Variants in CDKAL1 observed in about 807,000 individuals in gnomAD.
The protein encoded by CDKAL1 is CDKAL1 threonylcarbamoyladenosine tRNA methylthiotransferase.
A neutral mutation model predicts 68.2 loss-of-function variants in CDKAL1; 32 were observed. The observed-to-expected ratio is 0.47, with a 90% CI of 0.35 to 0.63. CDKAL1 has a LOEUF of 0.63. CDKAL1 is among the 30% of genes least tolerant of loss of function. CDKAL1 has a pLI of 0.00. For synonymous variants in CDKAL1, 234 were observed against 244.3 expected (o/e 0.96, Z 0.39); for missense variants, 606 against 696.7 (o/e 0.87, Z 1.47).
chr6:20,871,473 A>G (rs1340800215), intron 9 of CDKAL1, among the ~76,000 whole-genome samples: 2 of 152,208 alleles, frequency 1.3e-5, no homozygotes, highest in Non-Finnish European at 2.9e-5. Flanking sequence ...AAACGAAGTT[A>G]TGATTTTTTA....
At chr6:21,108,121 C>G (rs1024863473) in intron 12 of CDKAL1, among the ~76,000 whole-genome samples, 1 of 151,880 alleles carries the variant, frequency 6.6e-6, no homozygotes, top group Non-Finnish European at 1.5e-5. Context: ...TATGTATTTT[C>G]AAATACAGTT....
At chr6:20,698,554 T>G (rs1046616555) in intron 5 of CDKAL1, among the ~76,000 whole-genome samples, 1 of 152,188 alleles carries the variant, frequency 6.6e-6, no homozygotes, top group East Asian at 1.9e-4. Context: ...TTGGCAGTTT[T>G]GGGCTGGTCA....
At chr6:20,725,213 A>G (rs1219153188) in intron 5 of CDKAL1, among the ~76,000 whole-genome samples, 1 of 151,272 alleles carries the variant, frequency 6.6e-6, no homozygotes, top group Non-Finnish European at 1.5e-5. Flanking sequence ...GTATCAGGAT[A>G]TTGATCTTAG....
chr6:20,981,306 CCTTT>C (rs1766131926), intron 10 of CDKAL1, among the ~76,000 whole-genome samples: 1 of 152,022 alleles, frequency 6.6e-6, no homozygotes, highest in Admixed American at 6.6e-5. Context: ...ATTGAATTTC[CCTTT>C]CTTCATTTCA....
intron 4 of CDKAL1, among the ~76,000 whole-genome samples, chr6:20,549,493 T>A (rs907630749): frequency 3.3e-5 from 5 of 152,180 alleles, no homozygotes; most frequent in Non-Finnish European, 5.9e-5. Flanking sequence ...TTAATTTTAG[T>A]ATCTACTGGT....
At chr6:21,120,956 C>T (rs1039666293) in intron 13 of CDKAL1, among the ~76,000 whole-genome samples, 2 of 152,092 alleles carry the variant, frequency 1.3e-5, no homozygotes, top group African/African-American at 2.4e-5. Context: ...ATAACTGTCA[C>T]CTGTAGGATA....
intron 9 of CDKAL1, among the ~76,000 whole-genome samples, chr6:20,935,540 C>T (rs957114450): frequency 1.3e-5 from 2 of 151,580 alleles, no homozygotes; most frequent in African/African-American, 2.4e-5. Flanking sequence ...GAGATTCTTG[C>T]GCCTCAAGCC....
At chr6:20,946,659 G>A (rs1187162163) in intron 9 of CDKAL1, among the ~76,000 whole-genome samples, 1 of 147,412 alleles carries the variant, frequency 6.8e-6, no homozygotes, top group Non-Finnish European at 1.5e-5. Context: ...GTTCAATGAG[G>A]CAATCTCGGC....
At chr6:21,105,545 T>C (rs185050961) in intron 12 of CDKAL1, among the ~76,000 whole-genome samples, 4 of 152,314 alleles carry the variant, frequency 2.6e-5, no homozygotes, top group Admixed American at 2.6e-4. Context: ...ACAAGGTCCT[T>C]ATTAATATCA....
In CDKAL1 at chr6:21,203,691, C is replaced by CTTT. The variant is rs915087377; in HGVS notation, c.1548+2441_1548+2443dup. ...GGACTTATTTTGTCTCACTTGACCT[C>CTTT]TTTTTTTTTTTTTTTTTTTTTTTTT... On this transcript the variant is annotated intron_variant, in intron 15 of 15. Coordinates refer to ENST00000274695, the MANE Select transcript of CDKAL1 (RefSeq NM_017774.3). 3.2e-4 allele frequency among the ~76,000 whole-genome samples: 30 copies of CTTT among 94,100 alleles called. 1 individual carries two copies. The highest frequency in any genetic ancestry group is 1.1e-3 in the African/African-American group (24 of 21,642). 61.7% of individuals were successfully genotyped at this position (94,100 alleles called of 152,430 possible). A position where few individuals can be genotyped will look rare whatever the true frequency, so the allele number is the denominator to read the frequency against.
rs375282434 is a variant in CDKAL1, at chr6:21,137,827, A to T, written c.1299+29364A>T. 3.2e-4 allele frequency among the ~76,000 whole-genome samples: 48 copies of T among 152,294 alleles called. 1 individual carries two copies. In the South Asian group the frequency reaches 8.1e-3, roughly 26 times the overall value. ...ATAACTTATAAGCCATGGTGTCCATATTTTTCCCAGGAGTGGAAAGCCTTA... is the reference window on the plus strand; with the variant it reads ...ATAACTTATAAGCCATGGTGTCCATTTTTTTCCCAGGAGTGGAAAGCCTTA... On this transcript the variant is annotated intron_variant, in intron 13 of 15. Coordinates refer to ENST00000274695, the MANE Select transcript of CDKAL1 (RefSeq NM_017774.3).
At chr6:21,147,531 G>A (rs1776238980) in intron 13 of CDKAL1, among the ~76,000 whole-genome samples, 1 of 152,162 alleles carries the variant, frequency 6.6e-6, no homozygotes, top group African/African-American at 2.4e-5. Flanking sequence ...TAATTCACAA[G>A]AGCCTTGATA....
At chr6:21,093,073 A>G (rs935490729) in intron 12 of CDKAL1, among the ~76,000 whole-genome samples, 1 of 152,244 alleles carries the variant, frequency 6.6e-6, no homozygotes, top group African/African-American at 2.4e-5. Context: ...GAATAATTCA[A>G]GGACATTTTT....
chr6:20,939,293 A>G (rs1033471741), intron 9 of CDKAL1, among the ~76,000 whole-genome samples: 1 of 152,110 alleles, frequency 6.6e-6, no homozygotes, highest in Non-Finnish European at 1.5e-5. Context: ...TCCATTGGTC[A>G]CTGTTGGAGA....
chr6:20,584,202 G>A (rs926384499), intron 4 of CDKAL1, among the ~76,000 whole-genome samples: 2 of 151,912 alleles, frequency 1.3e-5, no homozygotes, highest in African/African-American at 4.8e-5. Flanking sequence ...GATTCTTAAG[G>A]CTTTTTGTAA....
chr6:20,671,463 C>T (rs1769810926), intron 5 of CDKAL1, among the ~76,000 whole-genome samples: 1 of 152,032 alleles, frequency 6.6e-6, no homozygotes, highest in South Asian at 2.1e-4. Flanking sequence ...TATTCTTTGC[C>T]ATTAAATTTA....
chr6:20,738,227 C>T (rs974043031), intron 5 of CDKAL1, among the ~76,000 whole-genome samples: 1 of 152,062 alleles, frequency 6.6e-6, no homozygotes, highest in Non-Finnish European at 1.5e-5. Context: ...ACTCCAATAC[C>T]CGTACACATG....
chr6:21,077,481 GAAA>G (rs766843524), intron 12 of CDKAL1, among the ~76,000 whole-genome samples: 11 of 152,116 alleles, frequency 7.2e-5, no homozygotes, highest in Non-Finnish European at 1.6e-4. Context: ...AGTTTATAAA[GAAA>G]AAAAGCTTAA....
intron 4 of CDKAL1, among the ~76,000 whole-genome samples, chr6:20,612,440 G>A (rs1766660125): frequency 6.6e-6 from 1 of 151,290 alleles, no homozygotes; most frequent in Non-Finnish European, 1.5e-5. Context: ...TTTAATAGTA[G>A]CCATTCTAAC....
Sources: gnomAD v4.1 joint callset for allele counts (sites outside exome capture counted in the v4.1 genomes callset) on GRCh38, gnomAD v4.1.1 for gene constraint, MANE v1.5 for transcripts, NCBI Gene and HGNC (gene_info 2026-07-23, HGNC 2026-07-21) for gene names.